The following RPTOR variants were observed in gnomAD, a reference collection of about 807,000 sequenced individuals.
RPTOR encodes the protein regulatory-associated protein of mTOR.
Under a neutral mutation model 169.9 loss-of-function variants are expected in RPTOR, and 21 were observed. The ratio of observed to expected loss-of-function variants is 0.12; its 90% CI spans 0.09 to 0.18. The LOEUF is 0.18. RPTOR is among the 10% of genes least tolerant of loss of function. The pLI, the probability that RPTOR is intolerant of heterozygous loss-of-function variation, is 1.00. For missense variants in RPTOR, 1,133 were observed against 1,855.9 expected (o/e 0.61, Z 7.16); for synonymous variants, 732 against 753.2 (o/e 0.97, Z 0.46).
At chr17:80,555,863 T>C (rs1049988275) in intron 1 of RPTOR, among the ~76,000 whole-genome samples, 2 of 151,802 alleles carry the variant, frequency 1.3e-5, no homozygotes, top group Admixed American at 1.3e-4. Context: ...TGGCTATGGA[T>C]GGAGTGGGGT....
chr17:80,776,321 C>CTTTT lies in RPTOR; in HGVS notation c.831-15113_831-15110dup, dbSNP rs545348018. Among the ~76,000 whole-genome samples the CTTTT allele has an allele frequency of 4.0e-4, 45 of 112,240 alleles. 2 individuals carry two copies. Among genetic ancestry groups the CTTTT allele is most frequent in the Admixed American group, 6.4e-4 (6 of 9,388 alleles). The allele number at this position is 112,240 out of a possible 152,430, so 73.6% of individuals were successfully genotyped here. On this transcript the variant is annotated intron_variant, in intron 6 of 33. Transcript: ENST00000306801. ...CTCTTGATATCTTTTGCCAAACTTCCTTTTTTTTTTTTTTTTTTTGAGATG... is the reference window on the plus strand; with the variant it reads ...CTCTTGATATCTTTTGCCAAACTTCCTTTTTTTTTTTTTTTTTTTTTTTGAGATG...
intron 33 of RPTOR, 53 bp from the exon 34 acceptor site, chr17:80,964,209 C>CCCCCGGTCGG: frequency 7.5e-7 from 1 of 1,325,554 alleles, no homozygotes; most frequent in Non-Finnish European, 1.1e-6. Flanking sequence ...CCCCGCCCCC[C>CCCCCGGTCGG]GCAGTGTCTG....
At chr17:80,900,090 G>C (rs1411949055) in intron 20 of RPTOR, among the ~76,000 whole-genome samples, 2 of 152,172 alleles carry the variant, frequency 1.3e-5, no homozygotes, top group Admixed American at 1.3e-4. Flanking sequence ...CCCTGCAGAA[G>C]TGGGCGTCCT....
At position 80,844,246 on chromosome 17, in the gene RPTOR, G is replaced by A. The variant is rs956047465; in HGVS notation, c.1213-2227G>A. Among the ~76,000 whole-genome samples, 20 of 152,158 alleles carry A rather than the reference G, an allele frequency of 1.3e-4. No homozygotes were observed. The highest frequency in any genetic ancestry group is 3.1e-4 in the African/African-American group (13 of 41,428). On this transcript the variant is annotated intron_variant, in intron 10 of 33. Coordinates refer to ENST00000306801, the MANE Select transcript of RPTOR (RefSeq NM_020761.3). This position sits in a 1 kb window ranked among gnomAD's most constrained non-coding sequence, Gnocchi z 4.7. Reference sequence around the variant, plus strand: ...TCCCCGTGGCTTTAGGGAGCTTCACGGGCTTCACCGCGCACCTGCCAGGCA... The same window carrying A: ...TCCCCGTGGCTTTAGGGAGCTTCACAGGCTTCACCGCGCACCTGCCAGGCA...
intron 3 of RPTOR, among the ~76,000 whole-genome samples, chr17:80,696,470 T>G (rs1278867618): frequency 6.6e-6 from 1 of 152,182 alleles, no homozygotes; most frequent in African/African-American, 2.4e-5. Flanking sequence ...GAGCAGCATA[T>G]TAATCCAAGT....
intron 17 of RPTOR, among the ~76,000 whole-genome samples, chr17:80,888,687 C>T (rs949345163): frequency 3.9e-5 from 6 of 152,254 alleles, no homozygotes; most frequent in African/African-American, 1.4e-4. Context: ...GTGCTACAGA[C>T]GACACCCCTG....
intron 10 of RPTOR, 100 bp from the exon 11 acceptor site, chr17:80,846,373 C>T: frequency 1.6e-6 from 2 of 1,230,858 alleles, no homozygotes; most frequent in Non-Finnish European, 2.3e-6. Flanking sequence ...AGGGCGGGCC[C>T]TTCGTGAAGG....
intron 7 of RPTOR, among the ~76,000 whole-genome samples, chr17:80,799,252 T>A (rs1277324613): frequency 6.6e-6 from 1 of 152,244 alleles, no homozygotes; most frequent in Non-Finnish European, 1.5e-5. Context: ...CAGTTCATTA[T>A]TGTAAACAGA....
At chr17:80,887,248 G>T (rs993908346) in intron 17 of RPTOR, among the ~76,000 whole-genome samples, 1 of 149,856 alleles carries the variant, frequency 6.7e-6, no homozygotes, top group African/African-American at 2.5e-5. Flanking sequence ...AGCTCGGGGG[G>T]TGCGCTGGCT....
chr17:80,769,720 A>G (rs770420893), intron 6 of RPTOR, among the ~76,000 whole-genome samples: 7 of 152,150 alleles, frequency 4.6e-5, no homozygotes, highest in African/African-American at 9.7e-5. Context: ...CACCAGCAAG[A>G]GGAGGTGGAG....
intron 20 of RPTOR, among the ~76,000 whole-genome samples, chr17:80,895,322 C>G (rs1233529704): frequency 6.6e-6 from 1 of 152,198 alleles, no homozygotes; most frequent in Non-Finnish European, 1.5e-5. Flanking sequence ...CTCCCCAGCC[C>G]CACGCCCCAC....
At chr17:80,672,915 A>C (rs2065833159) in intron 3 of RPTOR, among the ~76,000 whole-genome samples, 1 of 152,108 alleles carries the variant, frequency 6.6e-6, no homozygotes, top group Admixed American at 6.5e-5. Flanking sequence ...AACTGTGTCT[A>C]TACAGTCTTT....
In RPTOR at chr17:80,857,912, C is replaced by T. The variant is rs112597974; in HGVS notation, c.1509+12C>T. On this transcript the variant is annotated intron_variant, in intron 13 of 33. Transcript: ENST00000306801. ...TCGCAGTGGACAGCGTGAGTATCCCCGCCCTCCTCCCCAGAGTGATGTGAA... is the reference window on the plus strand; with the variant it reads ...TCGCAGTGGACAGCGTGAGTATCCCTGCCCTCCTCCCCAGAGTGATGTGAA... 1.9e-4 allele frequency: 305 copies of T among 1,595,278 alleles called. No homozygotes were observed. In the African/African-American group the frequency reaches 3.1e-3, roughly 16 times the overall value.
intron 9 of RPTOR, among the ~76,000 whole-genome samples, chr17:80,831,153 TAGG>T (rs980139465): frequency 1.5e-4 from 23 of 152,296 alleles, no homozygotes; most frequent in Non-Finnish European, 2.6e-4. Flanking sequence ...TTAAGGTGCT[TAGG>T]AGGGAGGAGA....
chr17:80,572,295 G>T (rs2064915143), intron 1 of RPTOR, among the ~76,000 whole-genome samples: 1 of 152,098 alleles, frequency 6.6e-6, no homozygotes, highest in African/African-American at 2.4e-5. Context: ...TAGAGATGGG[G>T]TTTTGCCATG....
At chr17:80,752,832 AGAAG>A (rs758620668) in intron 5 of RPTOR, among the ~76,000 whole-genome samples, 1 of 152,262 alleles carries the variant, frequency 6.6e-6, no homozygotes, top group Non-Finnish European at 1.5e-5. Flanking sequence ...TTATTTAAAA[AGAAG>A]GAAGAGTTAC....
intron 3 of RPTOR, among the ~76,000 whole-genome samples, chr17:80,694,808 G>C (rs1052160959): frequency 3.9e-5 from 6 of 152,188 alleles, no homozygotes; most frequent in Admixed American, 3.3e-4. Context: ...TGGCTTCACT[G>C]CCTCTTGAAG....
intron 9 of RPTOR, among the ~76,000 whole-genome samples, chr17:80,835,136 G>T (rs976660523): frequency 6.6e-6 from 1 of 152,140 alleles, no homozygotes; most frequent in Non-Finnish European, 1.5e-5. Context: ...TCTTAACTCT[G>T]TTGGCAGGGG....
At position 80,959,161 on chromosome 17, in the gene RPTOR, C is replaced by A. The variant is rs551990777; in HGVS notation, c.3478-917C>A. Among the ~76,000 whole-genome samples the A allele has an allele frequency of 9.2e-5, 14 of 152,244 alleles. No individual in the cohort carries two copies. Among genetic ancestry groups the A allele is most frequent in the African/African-American group, 3.4e-4 (14 of 41,462 alleles). Reference sequence around the variant, plus strand: ...CAGGCCTTCCCGTGTGGGCAGCCTCCCCTCTGACGTGACCGTGGATCCCTC... The same window carrying A: ...CAGGCCTTCCCGTGTGGGCAGCCTCACCTCTGACGTGACCGTGGATCCCTC... On this transcript the variant is annotated intron_variant, in intron 29 of 33. Coordinates refer to ENST00000306801, the MANE Select transcript of RPTOR (RefSeq NM_020761.3). The surrounding 1 kb of genome is among the most constrained non-coding windows in gnomAD (Gnocchi z 6.7).
Sources: gnomAD v4.1 joint callset for allele counts (sites outside exome capture counted in the v4.1 genomes callset) on GRCh38, gnomAD v4.1.1 for gene constraint, Gnocchi (gnomAD v3.1) non-coding constraint, MANE v1.5 for transcripts, NCBI Gene and HGNC (gene_info 2026-07-23, HGNC 2026-07-21) for gene names.